The following NOSIP variants were observed in gnomAD, a reference collection of about 807,000 sequenced individuals.
The protein encoded by NOSIP is nitric oxide synthase-interacting protein.
NOSIP carries 25 observed loss-of-function variants against 36.4 expected under a neutral mutation model. That is an observed-to-expected ratio of 0.69 (90% CI 0.50 to 0.96). The LOEUF (loss-of-function observed/expected upper bound fraction) is 0.96. Ranked by LOEUF, NOSIP falls within the 40% of genes least tolerant of loss-of-function variation. The probability of loss-of-function intolerance (pLI) is 0.00; values close to 1 mark genes in which losing one functional copy is unlikely to be tolerated. For synonymous variants in NOSIP, 187 were observed against 179.2 expected (o/e 1.04, Z -0.35); for missense variants, 370 against 429.0 (o/e 0.86, Z 1.21).
rs1258023650 is a variant in NOSIP at position 49,556,620 on chromosome 19, G to A, written c.654C>T (p.Ser218=). The change falls in exon 7 of 9, where the codon AGC becomes AGT. Residue 218 remains serine (S), a synonymous_variant. Coordinates refer to ENST00000596358, the MANE Select transcript of NOSIP (RefSeq NM_001270960.2). The part of the protein sequence containing the change: ...SVDRVGLITR[S]ERYVCAVTRD... ...GGGTCACGGCACACACGTAGCGCTC[G>A]CTGCGGGTGATGAGCCCCACGCGGT... is the stretch of plus-strand genomic sequence containing the variant. 1.9e-6 allele frequency: 3 copies of A among 1,608,318 alleles called. No homozygotes were observed. Among genetic ancestry groups the A allele is most frequent in the African/African-American group, 1.3e-5 (1 of 74,914 alleles).
intron 1 of NOSIP, among the ~76,000 whole-genome samples, chr19:49,567,155 C>T (rs1439268612): frequency 2.3e-5 from 3 of 131,988 alleles, no homozygotes; most frequent in Non-Finnish European, 4.8e-5. Flanking sequence ...CGGAGTCTCG[C>T]TCTGTCTCCC....
At chr19:49,569,669 G>A (rs1336156781) in intron 1 of NOSIP, among the ~76,000 whole-genome samples, 5 of 151,798 alleles carry the variant, frequency 3.3e-5, no homozygotes, top group African/African-American at 9.6e-5. Context: ...TTAGCCGGGC[G>A]AGGTGGCAGG....
At chr19:49,574,524 G>A (rs1367562413) in intron 1 of NOSIP, among the ~76,000 whole-genome samples, 1 of 152,128 alleles carries the variant, frequency 6.6e-6, no homozygotes. Context: ...TTCGATGGCT[G>A]CCACCTGTCT....
In NOSIP at chr19:49,556,415, C is replaced by G. The variant is rs750366685; in HGVS notation, c.736G>C (p.Val246Leu). 1 of 1,613,536 alleles carries G rather than the reference C, an allele frequency of 6.2e-7. No individual in the cohort carries two copies. Among genetic ancestry groups the G allele is most frequent in the Non-Finnish European group, 8.5e-7 (1 of 1,179,818 alleles). Residue 246 changes from valine to leucine, a missense_variant, in exon 8 of 9, where the codon GTC becomes CTC. Val to Leu is a conservative substitution (Grantham distance 32). This residue lies in a region of NOSIP where 315 missense variants were observed against 331.9 expected (regional missense o/e 0.95). Transcript: ENST00000596358. Reference protein sequence around the residue: ...CAVLRPSGAVVTLECVEKLIR... With the variant: ...CAVLRPSGAVLTLECVEKLIR... Reference sequence around the variant, plus strand: ...AGCTTCTCCACGCATTCGAGGGTGACCACAGCCCCACTACGGTGAGGCCGA... The same window carrying G: ...AGCTTCTCCACGCATTCGAGGGTGAGCACAGCCCCACTACGGTGAGGCCGA...
chr19:49,572,406 CTTTTTTTTTT>C (rs35209614), intron 1 of NOSIP, among the ~76,000 whole-genome samples: 6 of 97,942 alleles, frequency 6.1e-5, no homozygotes, highest in African/African-American at 1.3e-4. Context: ...TGCACCCAGC[CTTTTTTTTTT>C]TTTTTTTTTT....
In NOSIP at chr19:49,570,685, A is replaced by G. The variant is rs571833455; in HGVS notation, c.-2+9830T>C. On this transcript the variant is annotated intron_variant, in intron 1 of 8. Coordinates refer to ENST00000596358, the MANE Select transcript of NOSIP (RefSeq NM_001270960.2). The stretch of plus-strand genomic sequence containing the variant: ...CTTCCCCCTGACCCCCAAGCTTCTC[A>G]GTGAACGTCCAACACCTGTTGCCTC... Among the ~76,000 whole-genome samples the G allele has an allele frequency of 4.6e-5, 7 of 151,958 alleles. 1 individual carries two copies. Among genetic ancestry groups the G allele is most frequent in the African/African-American group, 1.7e-4 (7 of 41,436 alleles).
Position 49,555,703 on chromosome 19 carries a change from C to T in NOSIP, c.*48G>A. On this transcript the variant is annotated 3_prime_UTR_variant, in exon 9 of 9. Transcript: ENST00000596358. ...GGCGCCCACGCCGCGAATGAAGGCGCCACGTCGTTGCGCACCCAAGCCGGT... is the reference window on the plus strand; with the variant it reads ...GGCGCCCACGCCGCGAATGAAGGCGTCACGTCGTTGCGCACCCAAGCCGGT... 1 of 1,546,198 alleles carries T rather than the reference C, an allele frequency of 6.5e-7. No homozygotes were observed. Among genetic ancestry groups the T allele is most frequent in the Non-Finnish European group, 8.9e-7 (1 of 1,120,246 alleles).
intron 7 of NOSIP, 25 bp from the exon 8 acceptor site, chr19:49,556,450 A>ACTCT: frequency 6.2e-6 from 10 of 1,610,906 alleles, no homozygotes; most frequent in Non-Finnish European, 8.5e-6. Flanking sequence ...AAGGCGGGAG[A>ACTCT]CTCTGATCAG....
intron 4 of NOSIP, chr19:49,557,678 G>C: frequency 9.9e-7 from 1 of 1,007,138 alleles, no homozygotes; most frequent in Non-Finnish European, 1.2e-6. Flanking sequence ...GCCCGTGTTT[G>C]GGACGGGGGA....
At chr19:49,565,921 A>G (rs2080401437) in intron 1 of NOSIP, among the ~76,000 whole-genome samples, 1 of 152,216 alleles carries the variant, frequency 6.6e-6, no homozygotes, top group Non-Finnish European at 1.5e-5. Flanking sequence ...ACCTGTGGAC[A>G]GACATCCTTG....
Position 49,560,073 on chromosome 19 carries a change from CG to C in NOSIP, c.71-35del. ...AGAGATGGGCAGAGTGATGGAGGGG[CG>C]GAGCAACAGGAGACATGTCCGTCTC... is the stretch of plus-strand genomic sequence containing the variant. On this transcript the variant is annotated intron_variant, in intron 2 of 8. Coordinates refer to ENST00000596358, the MANE Select transcript of NOSIP (RefSeq NM_001270960.2). This position sits in a 1 kb window ranked among gnomAD's most constrained non-coding sequence, Gnocchi z 4.6. 1 of 1,446,780 alleles carries C rather than the reference CG, an allele frequency of 6.9e-7. No homozygotes were observed. Among genetic ancestry groups the C allele is most frequent in the Non-Finnish European group, 9.7e-7 (1 of 1,036,064 alleles). The allele number at this position is 1,446,780 out of a possible 1,614,324, so 89.6% of individuals were successfully genotyped here. A position where few individuals can be genotyped will look rare whatever the true frequency, so the allele number is the denominator to read the frequency against.
At chr19:49,569,444 C>T (rs796309180) in intron 1 of NOSIP, among the ~76,000 whole-genome samples, 17 of 147,714 alleles carry the variant, frequency 1.2e-4, no homozygotes, top group African/African-American at 3.4e-4. Flanking sequence ...GTGATCTGCC[C>T]GCCTCGGCCT....
At chr19:49,578,322 C>T (rs2080580152) in intron 1 of NOSIP, among the ~76,000 whole-genome samples, 1 of 151,918 alleles carries the variant, frequency 6.6e-6, no homozygotes. Context: ...TGAGGTTTTA[C>T]CATGTTGGCC....
intron 1 of NOSIP, among the ~76,000 whole-genome samples, chr19:49,574,026 C>CT (rs1454181742): frequency 6.6e-6 from 1 of 151,836 alleles, no homozygotes; most frequent in East Asian, 1.9e-4. Flanking sequence ...TGCCTAGATA[C>CT]TTTTTTTGTA....
At chr19:49,556,138 G>GC (rs1344653140) in intron 8 of NOSIP, among the ~76,000 whole-genome samples, 179 bp downstream of exon 8, 2 of 56,414 alleles carry the variant, frequency 3.5e-5, no homozygotes, top group African/African-American at 1.9e-4. Context: ...GGAGAGCGGA[G>GC]GGGGGGAAGG....
intron 4 of NOSIP, chr19:49,557,751 G>A (rs1166662038): frequency 1.4e-5 from 14 of 990,412 alleles, no homozygotes; most frequent in Non-Finnish European, 1.7e-5. Flanking sequence ...AGTGAGTGAG[G>A]ACGGGAGAAG....
At chr19:49,571,137 A>ATTTT (rs60637720) in intron 1 of NOSIP, among the ~76,000 whole-genome samples, 1 of 131,362 alleles carries the variant, frequency 7.6e-6, no homozygotes. Context: ...CGCCCAGCTA[A>ATTTT]TTTTTTTTTT....
Position 49,556,722 on chromosome 19 carries a change from G to C in NOSIP, c.552C>G (p.Thr184=). 1 of 1,607,880 alleles carries C rather than the reference G, an allele frequency of 6.2e-7. No homozygotes were observed. The highest frequency in any genetic ancestry group is 8.5e-7 in the Non-Finnish European group (1 of 1,176,456). Residue 184 remains threonine (T), a synonymous_variant, in exon 7 of 9, where the codon ACC becomes ACG. Transcript: ENST00000596358. ...GCAGGGGCTTCCCTGACATGGGGCAGGTCACCGTGCGGGACTGCAAGGGGC... is the reference window on the plus strand; with the variant it reads ...GCAGGGGCTTCCCTGACATGGGGCACGTCACCGTGCGGGACTGCAAGGGGC... ...TKLEKPSRTV[T]CPMSGKPLRM...
Position 49,555,623 on chromosome 19 carries a change from G to C in NOSIP, c.*128C>G, listed in dbSNP as rs1227170378. The C allele has an allele frequency of 4.2e-6, 3 of 709,808 alleles. No individual in the cohort carries two copies. Among genetic ancestry groups the C allele is most frequent in the African/African-American group, 1.8e-5 (1 of 56,108 alleles). The allele number at this position is 709,808 out of a possible 1,614,324, so 44.0% of individuals were successfully genotyped here. The stretch of plus-strand genomic sequence containing the variant: ...AGCCCGCTCTTTCAAACTCCAGCGT[G>C]CGCTGTAGGAGCACTGTTTGCACGG... On this transcript the variant is annotated 3_prime_UTR_variant, in exon 9 of 9. Transcript: ENST00000596358.
Sources: gnomAD v4.1 joint callset for allele counts (sites outside exome capture counted in the v4.1 genomes callset) on GRCh38, gnomAD v4.1.1 for gene constraint, gnomAD v4.1.1 regional missense constraint, Gnocchi (gnomAD v3.1) non-coding constraint, MANE v1.5 for transcripts, NCBI Gene and HGNC (gene_info 2026-07-23, HGNC 2026-07-21) for gene names.